Variants in FOXP1 observed in about 807,000 individuals in gnomAD.
FOXP1 encodes the protein forkhead box protein P1.
Under a neutral mutation model 98.2 loss-of-function variants are expected in FOXP1, and 15 were observed. The ratio of observed to expected loss-of-function variants is 0.15; its 90% CI spans 0.10 to 0.24. The LOEUF is 0.24. Among genes scored for constraint, FOXP1 ranks in the 10% least tolerant of loss-of-function variants. The probability of loss-of-function intolerance (pLI) is 1.00; values close to 1 mark genes in which losing one functional copy is unlikely to be tolerated. For missense variants in FOXP1, 633 were observed against 848.5 expected, an observed-to-expected ratio of 0.75 and a Z score of 3.15; for synonymous variants, 371 against 314.5, an observed-to-expected ratio of 1.18 and a Z score of -1.90.
chr3:71,574,181 T>G (rs907712658), intron 2 of FOXP1: 3 of 152,192 alleles, frequency 2.0e-5, no homozygotes, highest in African/African-American at 7.2e-5. Context: ...CAATGCTACC[T>G]AAACCTACAG....
intron 20 of FOXP1, 145 bp downstream of exon 20, chr3:70,965,745 T>C: frequency 1.2e-6 from 1 of 843,592 alleles, no homozygotes; most frequent in South Asian, 1.4e-5. Flanking sequence ...TGAACATTTC[T>C]TGAAGTACAA....
At chr3:71,233,636 T>A (rs1432112921) in intron 5 of FOXP1, among the ~76,000 whole-genome samples, 1 of 150,234 alleles carries the variant, frequency 6.7e-6, no homozygotes, top group Admixed American at 6.6e-5. Flanking sequence ...GAGACAGGGT[T>A]TCACCATATT....
intron 3 of FOXP1, among the ~76,000 whole-genome samples, chr3:71,482,565 T>C (rs1191023316): frequency 6.6e-6 from 1 of 151,402 alleles, no homozygotes; most frequent in East Asian, 1.9e-4. Context: ...CATGCCCAGC[T>C]GATTTTTTAT....
At chr3:71,274,068 A>T (rs1191690142) in intron 5 of FOXP1, among the ~76,000 whole-genome samples, 1 of 152,154 alleles carries the variant, frequency 6.6e-6, no homozygotes, top group Non-Finnish European at 1.5e-5. Context: ...AGTAGAAATG[A>T]AGGAGCCCTC....
At chr3:71,099,249 G>A (rs113661739) in intron 7 of FOXP1, among the ~76,000 whole-genome samples, 1,803 of 152,224 alleles carry the variant, frequency 0.012, 29 homozygotes, top group African/African-American at 0.041. Flanking sequence ...AGTGGCTCAC[G>A]CCTATAATCC....
chr3:71,540,005 C>T (rs980910816), intron 2 of FOXP1, among the ~76,000 whole-genome samples: 2 of 152,202 alleles, frequency 1.3e-5, no homozygotes, highest in African/African-American at 4.8e-5. Context: ...CAAAGTTTAT[C>T]AGTAGCAGAA....
chr3:71,109,115 C>T (rs948709927), intron 7 of FOXP1, among the ~76,000 whole-genome samples: 1 of 152,164 alleles, frequency 6.6e-6, no homozygotes, highest in African/African-American at 2.4e-5. Context: ...TATCTATACC[C>T]GATTAATGCC....
intron 2 of FOXP1, among the ~76,000 whole-genome samples, chr3:71,526,911 G>A (rs892972721): frequency 1.3e-5 from 2 of 149,048 alleles, no homozygotes; most frequent in Non-Finnish European, 3.0e-5. Context: ...AGGTCGCGGT[G>A]AGCCAAGATC....
chr3:71,269,763 G>C (rs1021238024), intron 5 of FOXP1, among the ~76,000 whole-genome samples: 1 of 152,106 alleles, frequency 6.6e-6, no homozygotes, highest in Admixed American at 6.5e-5. Context: ...TGCTATTAGG[G>C]CCTTCATGTG....
At position 71,167,785 on chromosome 3, in the gene FOXP1, A is replaced by C. The variant is rs2061461015; in HGVS notation, c.180+30417T>G. ...CTTTAATGGGAGCCTCTGGCGGTCC[A>C]TGGGTACAATGATTAGATACCTGCA... On this transcript the variant is annotated intron_variant, in intron 6 of 20. Transcript: ENST00000649528. Among the ~76,000 whole-genome samples, 7 of 152,194 alleles carry C rather than the reference A, an allele frequency of 4.6e-5. No individual in the cohort carries two copies. The South Asian group carries it at 1.5e-3, about 32-fold the overall frequency.
intron 2 of FOXP1, among the ~76,000 whole-genome samples, chr3:71,509,526 G>C (rs891854583): frequency 1.3e-5 from 2 of 152,068 alleles, no homozygotes; most frequent in Non-Finnish European, 2.9e-5. Context: ...TGAGGTACTG[G>C]GGGTGAGGGC....
chr3:71,247,870 G>C (rs1395052714), intron 5 of FOXP1, among the ~76,000 whole-genome samples: 1 of 152,228 alleles, frequency 6.6e-6, no homozygotes, highest in Non-Finnish European at 1.5e-5. Context: ...CATGTCCCAA[G>C]AATGATACTC....
At chr3:71,159,104 CAAAAAAAAAAAA>C (rs34653634) in intron 6 of FOXP1, among the ~76,000 whole-genome samples, 1 of 78,002 alleles carries the variant, frequency 1.3e-5, no homozygotes, top group Non-Finnish European at 2.5e-5. Flanking sequence ...AACCCTATCT[CAAAAAAAAAAAA>C]AAAAAAAAAA....
intron 6 of FOXP1, among the ~76,000 whole-genome samples, chr3:71,129,357 C>G (rs913425980): frequency 5.9e-5 from 9 of 152,332 alleles, no homozygotes; most frequent in African/African-American, 1.7e-4. Flanking sequence ...CACACATGCA[C>G]ACACACATAC....
intron 13 of FOXP1, among the ~76,000 whole-genome samples, chr3:70,994,626 C>G (rs779654264): frequency 6.6e-6 from 1 of 152,156 alleles, no homozygotes; most frequent in Non-Finnish European, 1.5e-5. Context: ...GCCACACCAC[C>G]TTACTATCTG....
At chr3:71,318,951 C>T (rs1207963482) in intron 4 of FOXP1, among the ~76,000 whole-genome samples, 1 of 152,122 alleles carries the variant, frequency 6.6e-6, no homozygotes, top group African/African-American at 2.4e-5. Flanking sequence ...ATTAGGAAAG[C>T]ACACACAAAT....
chr3:71,147,469 AC>A (rs2060365354), intron 6 of FOXP1, among the ~76,000 whole-genome samples: 1 of 152,112 alleles, frequency 6.6e-6, no homozygotes, highest in African/African-American at 2.4e-5. Flanking sequence ...ATATCTCAAC[AC>A]AGCTGGAACC....
intron 6 of FOXP1, among the ~76,000 whole-genome samples, chr3:71,156,187 G>A (rs186580700): frequency 0.01 from 1,573 of 152,260 alleles, 7 homozygotes; most frequent in Non-Finnish European, 0.015. Context: ...CCAGGGGGAG[G>A]GGGGGTGAAA....
intron 2 of FOXP1, among the ~76,000 whole-genome samples, chr3:71,549,098 C>A (rs985502171): frequency 1.3e-5 from 2 of 152,096 alleles, no homozygotes; most frequent in African/African-American, 4.8e-5. Flanking sequence ...TGCTAAGGGC[C>A]CACCAGTTGG....
Sources: gnomAD v4.1 joint callset for allele counts (sites outside exome capture counted in the v4.1 genomes callset) on GRCh38, gnomAD v4.1.1 for gene constraint, MANE v1.5 for transcripts, NCBI Gene and HGNC (gene_info 2026-07-23, HGNC 2026-07-21) for gene names.